The following XIRP2 variants were observed in gnomAD, a reference collection of about 807,000 sequenced individuals.
XIRP2 encodes xin actin-binding repeat-containing protein 2.
XIRP2 carries 236 observed loss-of-function variants against 277.0 expected under a neutral mutation model. The observed-to-expected ratio is 0.85, with a 90% confidence interval of 0.77 to 0.95. XIRP2 has a LOEUF of 0.95. Ranked by LOEUF, XIRP2 falls within the 40% of genes least tolerant of loss-of-function variation. The probability of loss-of-function intolerance (pLI) is 0.00; values close to 1 mark genes in which losing one functional copy is unlikely to be tolerated. For synonymous variants in XIRP2, 1,490 were observed against 1,416.5 expected, an observed-to-expected ratio of 1.05 and a Z score of -1.17; for missense variants, 4,640 against 4,157.5, an observed-to-expected ratio of 1.12 and a Z score of -3.19.
intron 3 of XIRP2, among the ~76,000 whole-genome samples, chr2:167,155,537 A>T (rs1376406586): frequency 1.3e-5 from 2 of 152,202 alleles, no homozygotes; most frequent in African/African-American, 2.4e-5. Flanking sequence ...CCTTTGACAA[A>T]ATTCAACAGC....
rs912562604 is a variant in XIRP2 at position 167,214,573 on chromosome 2, T to C, written c.724-3593T>C. Among the ~76,000 whole-genome samples the C allele has an allele frequency of 2.4e-4, 36 of 152,120 alleles. 1 individual carries two copies. The highest frequency in any genetic ancestry group is 8.7e-4 in the African/African-American group (36 of 41,430). Reference sequence around the variant, plus strand: ...GAAAGTAATGGGTATATCTGTTTTGTTTTGTTCTTTTGAGACGGAGTCTTG... The same window carrying C: ...GAAAGTAATGGGTATATCTGTTTTGCTTTGTTCTTTTGAGACGGAGTCTTG... On this transcript the variant is annotated intron_variant, in intron 4 of 10. Coordinates refer to ENST00000409195, the MANE Select transcript of XIRP2 (RefSeq NM_152381.6).
rs1302213458 is a variant in XIRP2, at chr2:166,977,599, A to C, written c.408+73709A>C. On this transcript the variant is annotated intron_variant, in intron 2 of 10. Coordinates refer to ENST00000409195, the MANE Select transcript of XIRP2 (RefSeq NM_152381.6). ...ATTTTTTCCATTGAATCTAAACTAA[A>C]AAGAGTAACAATGAAGAGATTTAAA... 2.0e-5 allele frequency among the ~76,000 whole-genome samples: 3 copies of C among 152,328 alleles called. No homozygotes were observed. The East Asian group carries it at 5.8e-4, about 29-fold the overall frequency.
At chr2:167,041,728 G>C (rs931339184) in intron 2 of XIRP2, among the ~76,000 whole-genome samples, 8 of 149,688 alleles carry the variant, frequency 5.3e-5, no homozygotes, top group Admixed American at 4.7e-4. Flanking sequence ...GACAGAGACA[G>C]AGAGAGAGAG....
chr2:167,129,636 C>T (rs766568858), intron 2 of XIRP2, among the ~76,000 whole-genome samples: 14 of 151,532 alleles, frequency 9.2e-5, no homozygotes, highest in Non-Finnish European at 1.5e-4. Context: ...TTTGGGAGGC[C>T]GAGGCAAGTG....
intron 2 of XIRP2, chr2:167,124,186 A>G (rs1215827810): frequency 6.6e-6 from 1 of 152,172 alleles, no homozygotes; most frequent in Admixed American, 6.6e-5. Flanking sequence ...ATAGTATTCT[A>G]GAAAAAAAGT....
intron 2 of XIRP2, among the ~76,000 whole-genome samples, chr2:166,921,914 G>A (rs1000955319): frequency 4.6e-5 from 7 of 152,126 alleles, no homozygotes; most frequent in Middle Eastern, 3.2e-3. Flanking sequence ...AGAGGCTTGT[G>A]CCAGCTCCTC....
chr2:167,028,406 G>GT (rs1397040668), intron 2 of XIRP2, among the ~76,000 whole-genome samples: 2 of 152,018 alleles, frequency 1.3e-5, no homozygotes, highest in Non-Finnish European at 2.9e-5. Flanking sequence ...GAGAGCAAAA[G>GT]TGTCTGCCTG....
At chr2:167,240,527 TAGC>T (rs762558560) in intron 6 of XIRP2, 134 bp from the exon 7 acceptor site, 43 of 676,944 alleles carry the variant, frequency 6.4e-5, no homozygotes, top group Non-Finnish European at 9.8e-5. Context: ...AAATAAATGA[TAGC>T]AGCTTAATTA....
intron 2 of XIRP2, among the ~76,000 whole-genome samples, chr2:167,059,535 A>G (rs1689128107): frequency 6.6e-6 from 1 of 151,194 alleles, no homozygotes; most frequent in South Asian, 2.1e-4. Context: ...TCTGCAAAAG[A>G]GCAATCATTC....
intron 2 of XIRP2, among the ~76,000 whole-genome samples, chr2:167,086,215 T>C (rs1355757709): frequency 1.3e-5 from 2 of 152,184 alleles, no homozygotes; most frequent in Non-Finnish European, 2.9e-5. Flanking sequence ...TTAGTTTGGC[T>C]GGATATGAAA....
chr2:167,037,810 G>C (rs962219188), intron 2 of XIRP2, among the ~76,000 whole-genome samples: 23 of 151,692 alleles, frequency 1.5e-4, no homozygotes, highest in African/African-American at 5.1e-4. Flanking sequence ...TGAAAATATA[G>C]GAAAATCAGT....
intron 2 of XIRP2, among the ~76,000 whole-genome samples, chr2:167,023,578 T>C (rs1688051450): frequency 6.6e-6 from 1 of 152,244 alleles, no homozygotes; most frequent in Non-Finnish European, 1.5e-5. Flanking sequence ...CTAGGGTTTT[T>C]ATGGTTTTAG....
chr2:167,250,816 T>C lies in XIRP2; in HGVS notation c.9424T>C (p.Ser3142Pro). The C allele has an allele frequency of 2.5e-6, 4 of 1,613,486 alleles. No homozygotes were observed. The highest frequency in any genetic ancestry group is 3.4e-6 in the Non-Finnish European group (4 of 1,179,708). ...AGAAAACCCTACTAAGAACGAGCTT[T>C]CTCAGTCCCCTAAAAAGGACAGTTA... The part of the protein sequence containing the change: ...RTENPTKNEL[S>P]QSPKKDSYVE... The change falls in exon 9 of 11, where the codon TCT (serine) becomes CCT (proline). Residue 3142 changes from serine (S) to proline (P), a missense_variant. Transcript: ENST00000409195.
chr2:167,172,664 C>G (rs556348002), intron 3 of XIRP2, among the ~76,000 whole-genome samples: 3 of 151,508 alleles, frequency 2.0e-5, no homozygotes, highest in African/African-American at 7.3e-5. Flanking sequence ...AGAGATGGCT[C>G]TGTTCCACCC....
rs192366240 is a variant in XIRP2, at chr2:167,172,338, C to T, written c.562+36276C>T. Among the ~76,000 whole-genome samples the T allele has an allele frequency of 2.0e-3, 309 of 152,194 alleles. 2 individuals carry two copies. Among genetic ancestry groups the T allele is most frequent in the African/African-American group, 7.1e-3 (295 of 41,526 alleles). ...TGGAGGCAGGGCAAGATCACAGGAC[C>T]GGGGCAAAATTAAAATTGCTAATGA... On this transcript the variant is annotated intron_variant, in intron 3 of 10. Coordinates refer to ENST00000409195, the MANE Select transcript of XIRP2 (RefSeq NM_152381.6).
chr2:167,099,365 T>C (rs909420196), intron 2 of XIRP2, among the ~76,000 whole-genome samples: 1 of 152,126 alleles, frequency 6.6e-6, no homozygotes, highest in African/African-American at 2.4e-5. Flanking sequence ...CCCACCAAGC[T>C]CGAGCATCCC....
At chr2:166,897,938 C>T (rs901058546) in intron 1 of XIRP2, among the ~76,000 whole-genome samples, 1 of 152,028 alleles carries the variant, frequency 6.6e-6, no homozygotes, top group African/African-American at 2.4e-5. Flanking sequence ...AGGACACATG[C>T]AGGTGGCATG....
At chr2:167,200,596 C>T (rs913006067) in intron 3 of XIRP2, among the ~76,000 whole-genome samples, 4 of 152,212 alleles carry the variant, frequency 2.6e-5, no homozygotes, top group Admixed American at 1.3e-4. Context: ...GAACACTTTA[C>T]ATGTCATATA....
chr2:167,049,672 G>A (rs1443727972), intron 2 of XIRP2, among the ~76,000 whole-genome samples: 1 of 151,928 alleles, frequency 6.6e-6, no homozygotes, highest in Non-Finnish European at 1.5e-5. Context: ...ATGAAGAAAA[G>A]CAAAATGTTT....
Sources: allele counts gnomAD v4.1 joint callset (sites outside exome capture counted in the v4.1 genomes callset), GRCh38; gene constraint gnomAD v4.1.1; transcripts MANE v1.5; gene names NCBI Gene and HGNC (gene_info 2026-07-23, HGNC 2026-07-21).